Variants in ROBO1 observed in about 807,000 individuals in gnomAD.
ROBO1 encodes the protein roundabout homolog 1.
In ROBO1, 149 loss-of-function variants were observed where a neutral mutation model predicts 195.9. That is an observed-to-expected ratio of 0.76 (90% CI 0.67 to 0.87). ROBO1 has a LOEUF of 0.87. Ranked by LOEUF, ROBO1 falls within the 40% of genes least tolerant of loss-of-function variation. The probability of loss-of-function intolerance (pLI) is 0.00; values close to 1 mark genes in which losing one functional copy is unlikely to be tolerated. For synonymous variants in ROBO1, 816 were observed against 733.2 expected (o/e 1.11, Z -1.82); for missense variants, 1,933 against 2,068.3 (o/e 0.93, Z 1.27).
At chr3:78,673,095 C>T (rs1039185888) in intron 10 of ROBO1, among the ~76,000 whole-genome samples, 1 of 152,032 alleles carries the variant, frequency 6.6e-6, no homozygotes, top group African/African-American at 2.4e-5. Flanking sequence ...TAAATAGCCC[C>T]ATATGGTAAG....
intron 4 of ROBO1, among the ~76,000 whole-genome samples, chr3:78,827,475 A>C (rs939436161): frequency 5.9e-5 from 9 of 152,176 alleles, no homozygotes; most frequent in Non-Finnish European, 1.3e-4. Context: ...GGTGCATGCC[A>C]GTGGTCTTTC....
chr3:79,645,162 A>C (rs1945781960), intron 1 of ROBO1, among the ~76,000 whole-genome samples: 1 of 152,086 alleles, frequency 6.6e-6, no homozygotes, highest in South Asian at 2.1e-4. Flanking sequence ...CTAGAAAAGC[A>C]AAATCAAACC....
chr3:78,947,539 T>C (rs1011962744), intron 3 of ROBO1, among the ~76,000 whole-genome samples: 1 of 152,072 alleles, frequency 6.6e-6, no homozygotes, highest in African/African-American at 2.4e-5. Flanking sequence ...TAGAGGGAAA[T>C]TTATAGCACT....
chr3:79,311,889 G>T (rs1358470633), intron 2 of ROBO1, among the ~76,000 whole-genome samples: 2 of 151,842 alleles, frequency 1.3e-5, no homozygotes, highest in Admixed American at 6.6e-5. Context: ...TAATCCTGTG[G>T]TTTAAAAAAA....
At chr3:79,761,437 G>C (rs1354832868) in intron 1 of ROBO1, among the ~76,000 whole-genome samples, 1 of 152,028 alleles carries the variant, frequency 6.6e-6, no homozygotes, top group Non-Finnish European at 1.5e-5. Context: ...ATTCAATCTG[G>C]AAGAGTACCC....
At chr3:79,337,273 G>C (rs1276046286) in intron 2 of ROBO1, among the ~76,000 whole-genome samples, 6 of 152,174 alleles carry the variant, frequency 3.9e-5, no homozygotes, top group Non-Finnish European at 7.3e-5. Flanking sequence ...GAATGATATG[G>C]ATTGTCTGTG....
chr3:79,017,591 A>G (rs1010623391), intron 3 of ROBO1, among the ~76,000 whole-genome samples: 2 of 152,074 alleles, frequency 1.3e-5, no homozygotes, highest in African/African-American at 4.8e-5. Context: ...ACAGTAAAAA[A>G]GTTTCCTAGG....
At chr3:78,925,802 G>A (rs550303890) in intron 4 of ROBO1, among the ~76,000 whole-genome samples, 1 of 152,232 alleles carries the variant, frequency 6.6e-6, no homozygotes, top group Non-Finnish European at 1.5e-5. Flanking sequence ...TGTGGTGGGT[G>A]TGGGAGGAGT....
chr3:78,881,372 T>C (rs891754293), intron 4 of ROBO1, among the ~76,000 whole-genome samples: 1 of 152,162 alleles, frequency 6.6e-6, no homozygotes, highest in Admixed American at 6.6e-5. Flanking sequence ...ATTCAGTTCT[T>C]TGTTCTCTGT....
intron 2 of ROBO1, among the ~76,000 whole-genome samples, chr3:79,431,192 C>T (rs983955964): frequency 6.6e-6 from 1 of 152,130 alleles, no homozygotes; most frequent in Non-Finnish European, 1.5e-5. Flanking sequence ...AGAGACAGAG[C>T]ACCAGTTTCC....
chr3:79,453,900 A>C (rs2039527923), intron 2 of ROBO1, among the ~76,000 whole-genome samples: 1 of 152,102 alleles, frequency 6.6e-6, no homozygotes, highest in South Asian at 2.1e-4. Flanking sequence ...GCAACAATGA[A>C]AGATTGATTT....
rs745515845 is a variant in ROBO1 at position 78,672,590 on chromosome 3, G to C, written c.1343-2289C>G. Among the ~76,000 whole-genome samples the C allele has an allele frequency of 2.4e-3, 244 of 100,904 alleles. 1 individual carries two copies. Among genetic ancestry groups the C allele is most frequent in the Non-Finnish European group, 3.4e-3 (182 of 53,322 alleles). 66.2% of individuals were successfully genotyped at this position (100,904 alleles called of 152,430 possible). A position where few individuals can be genotyped will look rare whatever the true frequency, so the allele number is the denominator to read the frequency against. ...AGCCTGGGTGACAGAGTGAGACCCTGTCTCAAAAAAAAAAAAAAAAAAAAG... is the reference window on the plus strand; with the variant it reads ...AGCCTGGGTGACAGAGTGAGACCCTCTCTCAAAAAAAAAAAAAAAAAAAAG... On this transcript the variant is annotated intron_variant, in intron 10 of 30. Transcript: ENST00000464233.
At chr3:78,944,381 C>T (rs956667521) in intron 3 of ROBO1, among the ~76,000 whole-genome samples, 5 of 152,206 alleles carry the variant, frequency 3.3e-5, no homozygotes, top group Admixed American at 6.5e-5. Flanking sequence ...TTTTCTCTCT[C>T]TGCCATGTGA....
At chr3:79,532,946 A>G (rs1941717825) in intron 2 of ROBO1, 2 of 254,446 alleles carry the variant, frequency 7.9e-6, no homozygotes, top group African/African-American at 4.6e-5. Context: ...GGGACTGTCA[A>G]TTAGGCATTA....
intron 5 of ROBO1, among the ~76,000 whole-genome samples, chr3:78,719,510 A>G (rs570692403): frequency 6.6e-6 from 1 of 152,232 alleles, no homozygotes; most frequent in African/African-American, 2.4e-5. Flanking sequence ...TACCATGAAT[A>G]TATGTTTATA....
chr3:78,780,858 T>A (rs1185286433), intron 4 of ROBO1, among the ~76,000 whole-genome samples: 4 of 152,124 alleles, frequency 2.6e-5, no homozygotes, highest in Admixed American at 6.6e-5. Flanking sequence ...TTATTATGAT[T>A]TTTTAGGTTC....
intron 4 of ROBO1, among the ~76,000 whole-genome samples, chr3:78,932,963 T>C (rs760864079): frequency 7.9e-5 from 12 of 152,086 alleles, no homozygotes; most frequent in Non-Finnish European, 1.8e-4. Context: ...AAAAAGGAAA[T>C]TGTGTAAAGT....
intron 1 of ROBO1, among the ~76,000 whole-genome samples, chr3:79,735,862 C>A: frequency 7.7e-6 from 1 of 129,726 alleles, no homozygotes; most frequent in Non-Finnish European, 1.6e-5. Context: ...CAGAGAGAGA[C>A]TCCGTCTCAA....
intron 4 of ROBO1, among the ~76,000 whole-genome samples, chr3:78,778,088 T>G (rs2083560122): frequency 6.6e-6 from 1 of 152,218 alleles, no homozygotes; most frequent in Admixed American, 6.5e-5. Context: ...TCTATTGAGA[T>G]AATCATTTGG....
Sources: allele counts gnomAD v4.1 joint callset (sites outside exome capture counted in the v4.1 genomes callset), GRCh38; gene constraint gnomAD v4.1.1; transcripts MANE v1.5; gene names NCBI Gene and HGNC (gene_info 2026-07-23, HGNC 2026-07-21).